The following TAFA1 variants were observed in gnomAD, a reference collection of about 807,000 sequenced individuals.
TAFA1 encodes the protein TAFA chemokine like family member 1.
TAFA1 carries 4 observed loss-of-function variants against 18.5 expected under a neutral mutation model. The ratio of observed to expected loss-of-function variants is 0.22; its 90% CI spans 0.11 to 0.49. The LOEUF (loss-of-function observed/expected upper bound fraction) is 0.49. TAFA1 is among the 20% of genes least tolerant of loss of function. TAFA1 has a pLI of 0.98. For missense variants in TAFA1, 147 were observed against 169.0 expected (o/e 0.87, Z 0.72); for synonymous variants, 56 against 55.2 (o/e 1.01, Z -0.06).
intron 2 of TAFA1, among the ~76,000 whole-genome samples, chr3:68,365,847 G>A (rs1337678504): frequency 3.3e-5 from 5 of 152,038 alleles, no homozygotes; most frequent in Non-Finnish European, 7.4e-5. Flanking sequence ...CAGCACTTTG[G>A]TAGGCCAAGG....
At chr3:68,156,717 T>A (rs977412504) in intron 2 of TAFA1, among the ~76,000 whole-genome samples, 1 of 151,994 alleles carries the variant, frequency 6.6e-6, no homozygotes, top group Admixed American at 6.6e-5. Flanking sequence ...ACAGCATCAT[T>A]TTCATCTTTA....
chr3:68,248,589 T>C (rs909989691), intron 2 of TAFA1, among the ~76,000 whole-genome samples: 5 of 152,008 alleles, frequency 3.3e-5, no homozygotes, highest in Non-Finnish European at 1.5e-5. Flanking sequence ...AACTTAAGCA[T>C]ACCCTGAGAA....
At chr3:68,291,234 G>T (rs554006069) in intron 2 of TAFA1, among the ~76,000 whole-genome samples, 27 of 152,134 alleles carry the variant, frequency 1.8e-4, no homozygotes, top group Non-Finnish European at 2.5e-4. Context: ...AATAGAATAA[G>T]AGATATTTAG....
intron 3 of TAFA1, among the ~76,000 whole-genome samples, chr3:68,473,343 TAC>T (rs2072036284): frequency 6.6e-6 from 1 of 152,164 alleles, no homozygotes; most frequent in Non-Finnish European, 1.5e-5. Flanking sequence ...GATGATTGAT[TAC>T]AGTGATTATT....
intron 2 of TAFA1, among the ~76,000 whole-genome samples, chr3:68,175,816 G>C (rs2066117556): frequency 6.6e-6 from 1 of 152,094 alleles, no homozygotes; most frequent in South Asian, 2.1e-4. Context: ...ATGAGATTTG[G>C]GAGGGGCCAG....
the TAFA1 span, among the ~76,000 whole-genome samples, chr3:67,993,709 A>G: frequency 6.6e-6 from 1 of 152,218 alleles, no homozygotes; most frequent in African/African-American, 2.4e-5. Flanking sequence ...TTAGTATACC[A>G]GTACATCTTC....
chr3:68,068,812 G>A (rs1004848664), intron 2 of TAFA1, among the ~76,000 whole-genome samples: 2 of 152,238 alleles, frequency 1.3e-5, no homozygotes, highest in African/African-American at 2.4e-5. Flanking sequence ...TAATAAGGAT[G>A]GCCATAAAAA....
intron 2 of TAFA1, among the ~76,000 whole-genome samples, chr3:68,252,141 A>G (rs769798734): frequency 6.6e-6 from 1 of 152,110 alleles, no homozygotes. Flanking sequence ...TTGATCCTAA[A>G]TGTCAGCAAA....
At position 68,213,670 on chromosome 3, in the gene TAFA1, G is replaced by A. The variant is rs555751826; in HGVS notation, c.119-203610G>A. On this transcript the variant is annotated intron_variant, in intron 2 of 4. Coordinates refer to ENST00000478136, the MANE Select transcript of TAFA1 (RefSeq NM_213609.4). ...CCAGCCAGGAAGATGCACACCTTAC[G>A]TGTTCCAAGTAATTTTATCAGTATA... Among the ~76,000 whole-genome samples the A allele has an allele frequency of 7.8e-4, 119 of 152,132 alleles. 1 individual carries two copies. The highest frequency in any genetic ancestry group is 2.7e-3 in the African/African-American group (112 of 41,544).
chr3:68,075,673 A>C (rs2064814083), intron 2 of TAFA1, among the ~76,000 whole-genome samples: 1 of 151,826 alleles, frequency 6.6e-6, no homozygotes, highest in Non-Finnish European at 1.5e-5. Context: ...TGATGGACCA[A>C]GAACGACTAT....
intron 3 of TAFA1, among the ~76,000 whole-genome samples, chr3:68,500,969 T>G (rs2072646912): frequency 6.6e-6 from 1 of 151,570 alleles, no homozygotes; most frequent in African/African-American, 2.4e-5. Context: ...CTGGCCAACA[T>G]GTTGAAATCC....
At chr3:68,310,187 A>G (rs58899624) in intron 2 of TAFA1, among the ~76,000 whole-genome samples, 15,742 of 152,194 alleles carry the variant, frequency 0.1, 965 homozygotes, top group East Asian at 0.28. Flanking sequence ...AAAACAAATT[A>G]TGATACTTTA....
intron 2 of TAFA1, among the ~76,000 whole-genome samples, chr3:68,007,551 A>T (rs912886933): frequency 6.6e-6 from 1 of 151,890 alleles, no homozygotes; most frequent in African/African-American, 2.4e-5. Flanking sequence ...TTTTCTGTTC[A>T]GTATCAGCCT....
At chr3:68,119,579 T>TC (rs113217061) in intron 2 of TAFA1, among the ~76,000 whole-genome samples, 53,033 of 151,958 alleles carry the variant, frequency 0.35, 9,727 homozygotes, top group East Asian at 0.49. Context: ...TTCGTTTTTT[T>TC]TTTCTTTTTG....
chr3:68,418,387 G>C (rs914463563), intron 3 of TAFA1, among the ~76,000 whole-genome samples: 10 of 151,654 alleles, frequency 6.6e-5, no homozygotes, highest in Non-Finnish European at 1.2e-4. Context: ...GGATGAGCCA[G>C]GAAAAGGACT....
At chr3:68,026,871 G>GT (rs1704827945) in intron 2 of TAFA1, among the ~76,000 whole-genome samples, 1 of 152,156 alleles carries the variant, frequency 6.6e-6, no homozygotes, top group Non-Finnish European at 1.5e-5. Flanking sequence ...ATAGGAAAGA[G>GT]TTTTAATTGG....
chr3:68,396,765 C>G (rs1333918988), intron 2 of TAFA1, among the ~76,000 whole-genome samples: 4 of 152,152 alleles, frequency 2.6e-5, no homozygotes, highest in African/African-American at 9.7e-5. Flanking sequence ...TAAAGTTATC[C>G]AAACCTTCCA....
At chr3:68,491,810 A>G (rs900487740) in intron 3 of TAFA1, among the ~76,000 whole-genome samples, 8 of 152,160 alleles carry the variant, frequency 5.3e-5, no homozygotes, top group Non-Finnish European at 8.8e-5. Context: ...TCAGCACAAC[A>G]TGGGAAATAG....
intron 2 of TAFA1, among the ~76,000 whole-genome samples, chr3:68,315,587 A>G (rs931150969): frequency 3.3e-5 from 5 of 152,298 alleles, no homozygotes; most frequent in South Asian, 2.1e-4. Context: ...ATAGTTCTTT[A>G]TATAGACTTT....
Sources: gnomAD v4.1 joint callset for allele counts (sites outside exome capture counted in the v4.1 genomes callset) on GRCh38, gnomAD v4.1.1 for gene constraint, MANE v1.5 for transcripts, NCBI Gene and HGNC (gene_info 2026-07-23, HGNC 2026-07-21) for gene names.